The following CCNT1 variants were observed in gnomAD, a reference collection of about 807,000 sequenced individuals.
CCNT1 encodes the protein cyclin-T1.
CCNT1 carries 18 observed loss-of-function variants against 67.3 expected under a neutral mutation model. The observed-to-expected ratio is 0.27, with a 90% CI of 0.18 to 0.40. The LOEUF (loss-of-function observed/expected upper bound fraction) is 0.40, where lower values mean the gene tolerates loss of function less well. Among genes scored for constraint, CCNT1 ranks in the 10% least tolerant of loss-of-function variants. The probability of loss-of-function intolerance (pLI) is 1.00; values close to 1 mark genes in which losing one functional copy is unlikely to be tolerated. For synonymous variants in CCNT1, 333 were observed against 310.3 expected (o/e 1.07, Z -0.77); for missense variants, 744 against 884.9 (o/e 0.84, Z 2.02).
intron 2 of CCNT1, among the ~76,000 whole-genome samples, chr12:48,708,536 G>T (rs1370260163): frequency 6.6e-6 from 1 of 150,524 alleles, no homozygotes. Flanking sequence ...CACAGAGCGA[G>T]ACTCTGTCTC....
At chr12:48,707,129 T>C (rs955454894) in intron 2 of CCNT1, among the ~76,000 whole-genome samples, 4 of 152,156 alleles carry the variant, frequency 2.6e-5, no homozygotes, top group Admixed American at 6.6e-5. Context: ...GCATACTACA[T>C]ATATATTCCT....
chr12:48,694,157 C>T lies in CCNT1; in HGVS notation c.1057G>A (p.Glu353Lys). ...LEPTQGHRTS[E>K]NLALTGVDHS... is the part of the protein sequence containing the mutation. Reference sequence around the variant, plus strand: ...TCAACTCCTGTAAGTGCTAAATTCTCACTAGTCCGATGACCCTGAGTAGGT... The same window carrying T: ...TCAACTCCTGTAAGTGCTAAATTCTTACTAGTCCGATGACCCTGAGTAGGT... Residue 353 changes from glutamate to lysine, a missense_variant, in exon 9 of 9, where the codon GAG (glutamate) becomes AAG (lysine). Transcript: ENST00000261900. 3 of 1,614,222 alleles carry T rather than the reference C, an allele frequency of 1.9e-6. No homozygotes were observed. The highest frequency in any genetic ancestry group is 2.5e-6 in the Non-Finnish European group (3 of 1,180,042).
intron 3 of CCNT1, among the ~76,000 whole-genome samples, chr12:48,704,627 G>A (rs780916500): frequency 2.6e-5 from 4 of 152,164 alleles, no homozygotes; most frequent in Non-Finnish European, 5.9e-5. Context: ...TGGCTAACAT[G>A]GTGAAACCCT....
In CCNT1 at chr12:48,693,158, G is replaced by T; in HGVS notation, c.2056C>A (p.Pro686Thr). ...CGAGGATTCAGATAGTCACTATAAGGACGAACAAATTCAAATGCAGTGGGC... is the reference window on the plus strand; with the variant it reads ...CGAGGATTCAGATAGTCACTATAAGTACGAACAAATTCAAATGCAGTGGGC... ...TQPTAFEFVR[P>T]YSDYLNPRSG... Residue 686 changes from proline to threonine, a missense_variant, in exon 9 of 9, where the codon CCT becomes ACT. Physicochemically the swap from Pro to Thr is conservative, Grantham distance 38. Around this residue, in one of 3 missense-constraint regions of CCNT1, gnomAD observed 564 missense variants for 574.2 expected, o/e 0.98. Coordinates refer to ENST00000261900, the MANE Select transcript of CCNT1 (RefSeq NM_001240.4). The T allele has an allele frequency of 6.2e-7, 1 of 1,614,164 alleles. No homozygotes were observed. The highest frequency in any genetic ancestry group is 1.1e-5 in the South Asian group (1 of 91,088).
chr12:48,692,863 C>A lies in CCNT1; in HGVS notation c.*170G>T, dbSNP rs1020929805. On this transcript the variant is annotated 3_prime_UTR_variant, in exon 9 of 9. Transcript: ENST00000261900. ...GAAAATAGTTAAATGCATGAGACAGCAGATATATAGCCAAGGCCTTCTACC... is the reference window on the plus strand; with the variant it reads ...GAAAATAGTTAAATGCATGAGACAGAAGATATATAGCCAAGGCCTTCTACC... 3 of 573,054 alleles carry A rather than the reference C, an allele frequency of 5.2e-6. No homozygotes were observed. The highest frequency in any genetic ancestry group is 6.2e-6 in the Non-Finnish European group (2 of 323,606). 35.5% of individuals were successfully genotyped at this position (573,054 alleles called of 1,614,324 possible).
At chr12:48,699,654 G>T in intron 5 of CCNT1, 124 bp downstream of exon 5, 2 of 579,886 alleles carry the variant, frequency 3.4e-6, no homozygotes, top group Non-Finnish European at 6.2e-6. Flanking sequence ...AACTCATTTT[G>T]ATTTAAGCCA....
At chr12:48,715,798 A>C (rs1940524413) in intron 1 of CCNT1, among the ~76,000 whole-genome samples, 1 of 152,086 alleles carries the variant, frequency 6.6e-6, no homozygotes, top group Non-Finnish European at 1.5e-5. Flanking sequence ...ACATATCATC[A>C]CTCTAAGTAA....
chr12:48,701,190 A>T, intron 3 of CCNT1, 117 bp from the exon 4 acceptor site: 2 of 320,136 alleles, frequency 6.2e-6, no homozygotes, highest in Non-Finnish European at 1.3e-5. Flanking sequence ...TGGAGTTAGG[A>T]GGTAGAGTTA....
chr12:48,716,454 C>T (rs1940534419), intron 1 of CCNT1, 61 bp downstream of exon 1: 3 of 1,487,180 alleles, frequency 2.0e-6, no homozygotes, highest in Non-Finnish European at 2.7e-6. Context: ...GAGCCTGAGA[C>T]CCGGACGCCA....
chr12:48,709,668 T>C lies in CCNT1; in HGVS notation c.244-3772A>G, dbSNP rs376180681. ...ATGTCCAATACATACTGTTACATGA[T>C]AAAGGCAAGCTGTGCAACAGTAGCA... On this transcript the variant is annotated intron_variant, in intron 2 of 8. Coordinates refer to ENST00000261900, the MANE Select transcript of CCNT1 (RefSeq NM_001240.4). Among the ~76,000 whole-genome samples the C allele has an allele frequency of 7.9e-5, 12 of 152,166 alleles. No individual in the cohort carries two copies. The East Asian group carries it at 2.1e-3, about 27-fold the overall frequency.
chr12:48,697,436 T>A (rs1439673503), intron 6 of CCNT1, among the ~76,000 whole-genome samples: 3 of 149,190 alleles, frequency 2.0e-5, no homozygotes, highest in Non-Finnish European at 4.4e-5. Flanking sequence ...GGCCGGAGAA[T>A]CACTTGAACC....
At chr12:48,709,333 C>T (rs1459719562) in intron 2 of CCNT1, among the ~76,000 whole-genome samples, 1 of 152,152 alleles carries the variant, frequency 6.6e-6, no homozygotes, top group Admixed American at 6.5e-5. Flanking sequence ...AGGACCCTCA[C>T]CTACAGTGCT....
At chr12:48,701,197 G>T in intron 3 of CCNT1, 124 bp from the exon 4 acceptor site, 31 of 266,010 alleles carry the variant, frequency 1.2e-4, no homozygotes, top group East Asian at 2.4e-4. Context: ...AGGAGGTAGA[G>T]TTAAGAACTG....
rs1396032569 is a variant in CCNT1, at chr12:48,716,603, G to C, written c.73C>G (p.Arg25Gly). ...TTATCTGGGTCCACGCCAAAACGAC[G>C]GGATGGGCTATTTTCCAGCTGTTCT... ...TREQLENSPS[R>G]RFGVDPDKEL... Residue 25 changes from arginine to glycine, a missense_variant, in exon 1 of 9, where the codon CGT becomes GGT. Arg to Gly is a moderately radical substitution (Grantham distance 125). This residue lies in a region of CCNT1 where 38 missense variants were observed against 33.7 expected (regional missense o/e 1.13). Transcript: ENST00000261900. 10 of 1,614,084 alleles carry C rather than the reference G, an allele frequency of 6.2e-6. No individual in the cohort carries two copies. The Admixed American group carries it at 1.5e-4, about 24-fold the overall frequency.
intron 1 of CCNT1, among the ~76,000 whole-genome samples, chr12:48,715,949 G>A (rs1447369787): frequency 6.6e-6 from 1 of 152,148 alleles, no homozygotes; most frequent in Non-Finnish European, 1.5e-5. Flanking sequence ...GCACTGTGCT[G>A]GACACAGAAT....
At chr12:48,708,554 GA>G (rs879533958) in intron 2 of CCNT1, among the ~76,000 whole-genome samples, 3,130 of 114,846 alleles carry the variant, frequency 0.027, 41 homozygotes, top group African/African-American at 0.037. Flanking sequence ...CTCAAAAAAA[GA>G]AAAAAAAAAA....
intron 2 of CCNT1, among the ~76,000 whole-genome samples, chr12:48,713,909 T>C (rs1324828055): frequency 6.6e-6 from 1 of 152,122 alleles, no homozygotes; most frequent in East Asian, 1.9e-4. Context: ...TGGGGTTTTT[T>C]TTGAAGACAG....
chr12:48,703,141 G>A lies in CCNT1; in HGVS notation c.373-2068C>T, dbSNP rs551850666. On this transcript the variant is annotated intron_variant, in intron 3 of 8. Transcript: ENST00000261900. The stretch of plus-strand genomic sequence containing the variant: ...GAAAAGAAGCTCAGGGTGGCCGGGT[G>A]CAGTGGCTCACACCTGTAATCCCAG... Among the ~76,000 whole-genome samples, 5 of 151,932 alleles carry A rather than the reference G, an allele frequency of 3.3e-5. No homozygotes were observed. The South Asian group carries it at 1.0e-3, about 32-fold the overall frequency.
chr12:48,693,558 G>A lies in CCNT1; in HGVS notation c.1656C>T (p.Ser552=). The change falls in exon 9 of 9, where the codon AGC becomes AGT. Residue 552 remains serine, a synonymous_variant. Transcript: ENST00000261900. ...AGCTATAGGTTTTATGTGCTAAGTT[G>A]CTTGTCTGGCTACTATGTTTTGGAT... is the stretch of plus-strand genomic sequence containing the variant. ...PGDPKHSSQT[S]NLAHKTYSLS... 1 of 1,614,132 alleles carries A rather than the reference G, an allele frequency of 6.2e-7. No homozygotes were observed. The highest frequency in any genetic ancestry group is 8.5e-7 in the Non-Finnish European group (1 of 1,180,028).
Sources: allele counts gnomAD v4.1 joint callset (sites outside exome capture counted in the v4.1 genomes callset), GRCh38; gene constraint gnomAD v4.1.1; regional missense constraint gnomAD v4.1.1; transcripts MANE v1.5; gene names NCBI Gene and HGNC (gene_info 2026-07-23, HGNC 2026-07-21).